The following MACROD2 variants were observed in gnomAD, a reference collection of about 807,000 sequenced individuals.
MACROD2 encodes the protein mono-ADP ribosylhydrolase 2, also known as ADP-ribose glycohydrolase MACROD2.
In MACROD2, 36 loss-of-function variants were observed where a neutral mutation model predicts 70.4. That is an observed-to-expected ratio of 0.51 (90% CI 0.39 to 0.68). The LOEUF is 0.68. Ranked by LOEUF, MACROD2 falls within the 30% of genes least tolerant of loss-of-function variation. The pLI is 0.00. For missense variants in MACROD2, 496 were observed against 538.4 expected, an observed-to-expected ratio of 0.92 and a Z score of 0.78; for synonymous variants, 172 against 178.8, an observed-to-expected ratio of 0.96 and a Z score of 0.30.
intron 3 of MACROD2, among the ~76,000 whole-genome samples, chr20:14,205,080 A>G (rs1348692532): frequency 6.6e-6 from 1 of 152,210 alleles, no homozygotes. Flanking sequence ...CAGGGAAAAG[A>G]TAGATTTGAT....
At chr20:14,526,874 C>T (rs974073676) in intron 4 of MACROD2, among the ~76,000 whole-genome samples, 2 of 152,190 alleles carry the variant, frequency 1.3e-5, no homozygotes, top group African/African-American at 4.8e-5. Flanking sequence ...TTTAGTTTAG[C>T]CATTTGTAGG....
At chr20:15,654,255 C>T (rs1419247919) in intron 8 of MACROD2, among the ~76,000 whole-genome samples, 1 of 152,080 alleles carries the variant, frequency 6.6e-6, no homozygotes, top group African/African-American at 2.4e-5. Flanking sequence ...TCACTTCTAA[C>T]CCCATTTACT....
intron 5 of MACROD2, among the ~76,000 whole-genome samples, chr20:15,213,899 T>A (rs1262726843): frequency 6.9e-6 from 1 of 144,144 alleles, no homozygotes; most frequent in African/African-American, 2.6e-5. Flanking sequence ...TTCTGTTTTC[T>A]TTTTTTTTTT....
intron 5 of MACROD2, among the ~76,000 whole-genome samples, chr20:14,752,264 CAACTT>C (rs1326510139): frequency 6.6e-6 from 1 of 151,920 alleles, no homozygotes; most frequent in African/African-American, 2.4e-5. Flanking sequence ...ACCTCAGACT[CAACTT>C]AAGCCTAAAT....
chr20:15,194,585 T>C (rs917139333), intron 5 of MACROD2, among the ~76,000 whole-genome samples: 25 of 152,148 alleles, frequency 1.6e-4, no homozygotes, highest in African/African-American at 5.3e-4. Flanking sequence ...ATGTATATAT[T>C]ATTAACTCCT....
At chr20:14,367,122 A>G (rs533274758) in intron 3 of MACROD2, among the ~76,000 whole-genome samples, 2 of 152,316 alleles carry the variant, frequency 1.3e-5, no homozygotes, top group South Asian at 4.1e-4. Context: ...ATTTATAACA[A>G]TCTAGTTTGG....
chr20:14,337,403 C>A, intron 3 of MACROD2: 21 of 290,986 alleles, frequency 7.2e-5, no homozygotes, highest in Non-Finnish European at 1.0e-4. Flanking sequence ...AAAACACTTA[C>A]CAGGAAGACG....
intron 5 of MACROD2, among the ~76,000 whole-genome samples, chr20:15,143,170 C>T (rs1322426437): frequency 2.0e-5 from 3 of 152,124 alleles, no homozygotes; most frequent in African/African-American, 7.2e-5. Context: ...CTCTCCAGCA[C>T]CTGTTGTTTC....
rs768296784 is a variant in MACROD2, at chr20:15,986,780, A to G, written c.1039A>G (p.Ser347Gly). 5.6e-6 allele frequency: 9 copies of G among 1,613,084 alleles called. No individual in the cohort carries two copies. In the African/African-American group the frequency reaches 1.1e-4, roughly 19 times the overall value. ...NEIKIETESQ[S>G]SYMETEELSS... ...AATAAAAATTGAAACAGAATCGCAG[A>G]GCTCATATATGGAAACAGAAGGTAC... Residue 347 changes from serine (S) to glycine (G), a missense_variant, in exon 14 of 18, where the codon AGC becomes GGC. Ser to Gly is a moderately conservative substitution (Grantham distance 56, BLOSUM62 0). Transcript: ENST00000684519.
At chr20:14,321,537 T>G (rs2082660670) in intron 3 of MACROD2, among the ~76,000 whole-genome samples, 1 of 152,202 alleles carries the variant, frequency 6.6e-6, no homozygotes, top group Non-Finnish European at 1.5e-5. Context: ...TAAATTAAGA[T>G]TTGTTAATCA....
At chr20:16,010,111 A>C (rs1461809991) in intron 15 of MACROD2, among the ~76,000 whole-genome samples, 5 of 152,230 alleles carry the variant, frequency 3.3e-5, no homozygotes, top group Non-Finnish European at 7.3e-5. Flanking sequence ...CTTCATTATA[A>C]TTAAAGTCTT....
intron 3 of MACROD2, among the ~76,000 whole-genome samples, chr20:14,098,865 A>G (rs188492480): frequency 8.9e-4 from 135 of 152,310 alleles, no homozygotes; most frequent in African/African-American, 3.0e-3. Context: ...AAGTTTTTGT[A>G]TTATATATTT....
chr20:15,591,838 C>T (rs566261320), intron 8 of MACROD2, among the ~76,000 whole-genome samples: 4 of 152,158 alleles, frequency 2.6e-5, no homozygotes, highest in African/African-American at 7.2e-5. Context: ...TTCCTCCCAC[C>T]CTGGCCCCTT....
At chr20:14,492,141 CGTCTGTGTA>C (rs1028905231) in intron 3 of MACROD2, among the ~76,000 whole-genome samples, 5 of 152,148 alleles carry the variant, frequency 3.3e-5, no homozygotes, top group Non-Finnish European at 5.9e-5. Flanking sequence ...TTCTGGCTAC[CGTCTGTGTA>C]AATATCACAC....
intron 3 of MACROD2, among the ~76,000 whole-genome samples, chr20:14,094,853 C>G (rs578182558): frequency 6.6e-6 from 1 of 152,270 alleles, no homozygotes; most frequent in East Asian, 1.9e-4. Context: ...TTGCCAGTCT[C>G]CAGTCCACCA....
At chr20:15,582,121 CA>C (rs11417111) in intron 8 of MACROD2, among the ~76,000 whole-genome samples, 4,465 of 140,808 alleles carry the variant, frequency 0.032, 95 homozygotes, top group Admixed American at 0.066. Flanking sequence ...GACTCGGTCT[CA>C]AAAAAAAAAA....
chr20:14,481,004 A>C lies in MACROD2; in HGVS notation c.272-12475A>C, dbSNP rs1405251849. On this transcript the variant is annotated intron_variant, in intron 3 of 17. Coordinates refer to ENST00000684519, the MANE Select transcript of MACROD2 (RefSeq NM_001351661.2). ...GAAAAATTATGGTTTTTTATTTGCTACTTCAGGTTATGATGAAGATTCTCT... is the reference window on the plus strand; with the variant it reads ...GAAAAATTATGGTTTTTTATTTGCTCCTTCAGGTTATGATGAAGATTCTCT... Among the ~76,000 whole-genome samples, 3 of 152,134 alleles carry C rather than the reference A, an allele frequency of 2.0e-5. No homozygotes were observed. The East Asian group carries it at 5.8e-4, about 29-fold the overall frequency.
chr20:15,319,873 A>G (rs987572528), intron 6 of MACROD2, among the ~76,000 whole-genome samples: 2 of 152,240 alleles, frequency 1.3e-5, no homozygotes, highest in Non-Finnish European at 2.9e-5. Context: ...CCCATATTGT[A>G]TAATCTCAAT....
At chr20:15,832,574 G>C (rs148060372) in intron 8 of MACROD2, among the ~76,000 whole-genome samples, 335 of 152,308 alleles carry the variant, frequency 2.2e-3, no homozygotes, top group African/African-American at 7.8e-3. Context: ...CAGAAAGAGA[G>C]AGGAAAAAAC....
Sources: allele counts gnomAD v4.1 joint callset (sites outside exome capture counted in the v4.1 genomes callset), GRCh38; gene constraint gnomAD v4.1.1; transcripts MANE v1.5; gene names NCBI Gene and HGNC (gene_info 2026-07-23, HGNC 2026-07-21).